TANC2: variants seen among roughly 807,000 people sequenced by gnomAD.
The protein encoded by TANC2 is tetratricopeptide repeat, ankyrin repeat and coiled-coil containing 2, also known as protein TANC2.
A neutral mutation model predicts 210.5 loss-of-function variants in TANC2; 26 were observed. The observed-to-expected ratio is 0.12, with a 90% confidence interval of 0.09 to 0.17. TANC2 has a LOEUF of 0.17. TANC2 is among the 10% of genes least tolerant of loss of function. The pLI is 1.00. For synonymous variants in TANC2, 931 were observed against 967.1 expected (o/e 0.96, Z 0.69); for missense variants, 2,129 against 2,608.9 (o/e 0.82, Z 4.01).
intron 7 of TANC2, among the ~76,000 whole-genome samples, chr17:63,219,382 C>CCAGATATGTAACATT: frequency 6.6e-6 from 1 of 151,614 alleles, no homozygotes; most frequent in African/African-American, 2.4e-5. Flanking sequence ...ATGTAACAAT[C>CCAGATATGTAACATT]TGGATGTTGC....
intron 5 of TANC2, among the ~76,000 whole-genome samples, chr17:63,180,560 G>A (rs2040745875): frequency 6.6e-6 from 1 of 152,136 alleles, no homozygotes; most frequent in Admixed American, 6.6e-5. Flanking sequence ...AAACTTTCTA[G>A]TCTTTTTGCC....
At chr17:63,339,326 G>A (rs62074982) in intron 11 of TANC2, among the ~76,000 whole-genome samples, 27 of 152,250 alleles carry the variant, frequency 1.8e-4, no homozygotes, top group Non-Finnish European at 3.4e-4. Context: ...TGTACTTGCC[G>A]TGGAGGCAAA....
intron 5 of TANC2, among the ~76,000 whole-genome samples, chr17:63,186,959 A>G (rs2041010982): frequency 6.6e-6 from 1 of 152,262 alleles, no homozygotes; most frequent in Non-Finnish European, 1.5e-5. Context: ...TAAAGAAGTT[A>G]CAGAATTCCA....
intron 2 of TANC2, among the ~76,000 whole-genome samples, chr17:63,034,251 C>T (rs993468759): frequency 2.0e-5 from 3 of 152,146 alleles, no homozygotes; most frequent in Non-Finnish European, 4.4e-5. Flanking sequence ...TTTACCATTT[C>T]CAGAATTCTA....
At chr17:63,035,904 G>A (rs956668373) in intron 2 of TANC2, among the ~76,000 whole-genome samples, 10 of 152,160 alleles carry the variant, frequency 6.6e-5, no homozygotes, top group Non-Finnish European at 1.3e-4. Context: ...GCTATTCTGT[G>A]TGTAGTGGTA....
At chr17:63,320,709 T>A (rs1001768761) in intron 11 of TANC2, among the ~76,000 whole-genome samples, 39 of 152,200 alleles carry the variant, frequency 2.6e-4, no homozygotes, top group African/African-American at 8.4e-4. Context: ...CCTTTATATA[T>A]ACCTTGTTTT....
chr17:63,055,982 A>ATATATAT (rs2035770423), intron 2 of TANC2, among the ~76,000 whole-genome samples: 3 of 34,540 alleles, frequency 8.7e-5, no homozygotes, highest in Admixed American at 4.1e-4. Context: ...AAAAAAAAAA[A>ATATATAT]AAAAAAAAAT....
chr17:63,269,065 A>G (rs1243410184), intron 9 of TANC2, among the ~76,000 whole-genome samples: 1 of 152,114 alleles, frequency 6.6e-6, no homozygotes, highest in South Asian at 2.1e-4. Context: ...CACAATTCCC[A>G]TGGGAAGGAA....
intron 1 of TANC2, among the ~76,000 whole-genome samples, chr17:62,992,603 T>A (rs2032924294): frequency 6.6e-6 from 1 of 152,236 alleles, no homozygotes; most frequent in South Asian, 2.1e-4. Context: ...CTGAGAACTT[T>A]ACTCTTACAT....
At position 63,421,129 on chromosome 17, in the gene TANC2, A is replaced by G. The variant is rs1368886723; in HGVS notation, c.5399A>G (p.Gln1800Arg). 1.9e-6 allele frequency: 3 copies of G among 1,613,994 alleles called. No homozygotes were observed. Among genetic ancestry groups the G allele is most frequent in the Non-Finnish European group, 1.7e-6 (2 of 1,179,888 alleles). Residue 1800 changes from glutamine (Q) to arginine (R), a missense_variant, in exon 28 of 28, where the codon CAG (glutamine) becomes CGG (arginine). Gln to Arg is a conservative substitution (Grantham distance 43). Transcript: ENST00000689528. This position sits in a 1 kb window ranked among gnomAD's most constrained non-coding sequence, Gnocchi z 6.9. ...GGCGTGAGATACAGCCAGACACCACAGATCGGACGCAGCCAGTCAGCATCC... is the reference window on the plus strand; with the variant it reads ...GGCGTGAGATACAGCCAGACACCACGGATCGGACGCAGCCAGTCAGCATCC...
intron 8 of TANC2, among the ~76,000 whole-genome samples, chr17:63,254,599 C>G (rs1208106699): frequency 6.6e-6 from 1 of 152,142 alleles, no homozygotes; most frequent in Non-Finnish European, 1.5e-5. Context: ...CAGTATGATA[C>G]TAGCTATGAG....
intron 3 of TANC2, among the ~76,000 whole-genome samples, chr17:63,094,597 A>C (rs1425446528): frequency 6.6e-6 from 1 of 152,204 alleles, no homozygotes; most frequent in Non-Finnish European, 1.5e-5. Context: ...ACTAGAAGGC[A>C]GTTCTCTAGA....
chr17:63,062,558 G>C (rs1197971061), intron 2 of TANC2, among the ~76,000 whole-genome samples: 1 of 152,016 alleles, frequency 6.6e-6, no homozygotes, highest in African/African-American at 2.4e-5. Context: ...ATTGTCAGCT[G>C]GTGTTATCAA....
chr17:63,170,521 C>T (rs910745505), intron 5 of TANC2, among the ~76,000 whole-genome samples: 9 of 151,862 alleles, frequency 5.9e-5, no homozygotes, highest in Non-Finnish European at 1.0e-4. Context: ...ACTGAAAAGT[C>T]CCTGCCATTA....
chr17:63,219,659 C>T (rs1385947649), intron 7 of TANC2, among the ~76,000 whole-genome samples: 1 of 152,062 alleles, frequency 6.6e-6, no homozygotes, highest in African/African-American at 2.4e-5. Flanking sequence ...GATCCACCCA[C>T]CTCAGCCTCC....
chr17:63,139,782 T>TA (rs2039220681), intron 4 of TANC2, among the ~76,000 whole-genome samples: 3 of 152,190 alleles, frequency 2.0e-5, no homozygotes, highest in Non-Finnish European at 4.4e-5. Flanking sequence ...CATGCGCCTG[T>TA]AACGCCAGCT....
At chr17:63,092,732 T>A (rs977028112) in intron 3 of TANC2, among the ~76,000 whole-genome samples, 11 of 151,944 alleles carry the variant, frequency 7.2e-5, no homozygotes, top group African/African-American at 2.4e-4. Context: ...TCATGAGAAC[T>A]CACTATCACG....
chr17:63,234,511 C>T (rs903399221), intron 7 of TANC2, among the ~76,000 whole-genome samples: 1 of 152,128 alleles, frequency 6.6e-6, no homozygotes, highest in African/African-American at 2.4e-5. Context: ...CTGAGGGTCT[C>T]CTGAATGTTC....
chr17:63,335,040 G>A (rs1790370568), intron 11 of TANC2, among the ~76,000 whole-genome samples: 1 of 152,118 alleles, frequency 6.6e-6, no homozygotes, highest in African/African-American at 2.4e-5. Context: ...ACCAAGCCTT[G>A]AGGGATCTGC....
Sources: gnomAD v4.1 joint callset for allele counts (sites outside exome capture counted in the v4.1 genomes callset) on GRCh38, gnomAD v4.1.1 for gene constraint, Gnocchi (gnomAD v3.1) non-coding constraint, MANE v1.5 for transcripts, NCBI Gene and HGNC (gene_info 2026-07-23, HGNC 2026-07-21) for gene names.